SREBF2: variants seen among roughly 807,000 people sequenced by gnomAD.
SREBF2 encodes the protein sterol regulatory element binding transcription factor 2.
Under a neutral mutation model 113.1 loss-of-function variants are expected in SREBF2, and 55 were observed. The ratio of observed to expected loss-of-function variants is 0.49; its 90% CI spans 0.39 to 0.61. SREBF2 has a LOEUF of 0.61. Ranked by LOEUF, SREBF2 falls within the 20% of genes least tolerant of loss-of-function variation. The probability of loss-of-function intolerance (pLI) is 0.00; values close to 1 mark genes in which losing one functional copy is unlikely to be tolerated. For missense variants in SREBF2, 1,349 were observed against 1,487.4 expected (o/e 0.91, Z 1.53); for synonymous variants, 593 against 605.7 (o/e 0.98, Z 0.31).
chr22:41,877,282 A>T lies in SREBF2; in HGVS notation c.1440A>T (p.Ser480=), dbSNP rs1161451435. Residue 480 remains serine, a synonymous_variant, in exon 8 of 19, where the codon TCA becomes TCT. Coordinates refer to ENST00000361204, the MANE Select transcript of SREBF2 (RefSeq NM_004599.4). ...TGGCGCTGGGCATGGTAGACCGCTC[A>T]CGGATTCTTCTGTGTGTCCTCACCT... ...PPVALGMVDR[S]RILLCVLTFL... The T allele has an allele frequency of 1.2e-6, 2 of 1,614,116 alleles. No individual in the cohort carries two copies. Among genetic ancestry groups the T allele is most frequent in the South Asian group, 2.2e-5 (2 of 91,094 alleles).
intron 18 of SREBF2, among the ~76,000 whole-genome samples, 200 bp downstream of exon 18, chr22:41,905,174 G>A (rs2077496557): frequency 6.6e-6 from 1 of 152,246 alleles, no homozygotes; most frequent in South Asian, 2.1e-4. Flanking sequence ...TGTGATCAGG[G>A]AAGGAGGGTT....
intron 10 of SREBF2, 37 bp from the exon 11 acceptor site, chr22:41,884,798 TTTGGGGC>T (rs1383414298): frequency 8.1e-6 from 13 of 1,613,002 alleles, no homozygotes; most frequent in Non-Finnish European, 1.1e-5. Context: ...AAAGTTTGGT[TTTGGGGC>T]TCCATCAACA....
At chr22:41,893,649 C>T (rs2077385226) in intron 12 of SREBF2, among the ~76,000 whole-genome samples, 1 of 152,160 alleles carries the variant, frequency 6.6e-6, no homozygotes, top group Non-Finnish European at 1.5e-5. Flanking sequence ...CTTGCTTTCC[C>T]TGGCCTCCAG....
intron 11 of SREBF2, among the ~76,000 whole-genome samples, chr22:41,887,866 A>G (rs1020193003): frequency 6.6e-6 from 1 of 152,294 alleles, no homozygotes; most frequent in Non-Finnish European, 1.5e-5. Context: ...AGTGTATCTC[A>G]TTGTAGTTTT....
rs1193252878 is a variant in SREBF2 at position 41,893,153 on chromosome 22, C to T, written c.2245C>T (p.Pro749Ser). The change falls in exon 12 of 19, where the codon CCC becomes TCC. Residue 749 changes from proline (P) to serine (S), a missense_variant. This residue lies in a region of SREBF2 where 650 missense variants were observed against 644.1 expected (regional missense o/e 1.01). Transcript: ENST00000361204. ...CAGCCGAGCCCAGAGCCTGTGTGGC[C>T]CCGAGCACAGTGCTGTTCCTGACTC... ...FLSRAQSLCG[P>S]EHSAVPDSLR... 2 of 1,614,046 alleles carry T rather than the reference C, an allele frequency of 1.2e-6. No homozygotes were observed. The highest frequency in any genetic ancestry group is 2.2e-5 in the East Asian group (1 of 44,876).
In SREBF2 at chr22:41,904,929, C is replaced by T; in HGVS notation, c.3160C>T (p.Leu1054=). ...CAGCCCCACCCGCACCCACCAGCTG[C>T]TGGAACACAGCCTGCGGCGGCGCAC... ...GASPTRTHQL[L]EHSLRRRTTQ... The change falls in exon 18 of 19, where the codon CTG becomes TTG. Residue 1054 remains leucine (L), a synonymous_variant. Coordinates refer to ENST00000361204, the MANE Select transcript of SREBF2 (RefSeq NM_004599.4). 1 of 1,606,088 alleles carries T rather than the reference C, an allele frequency of 6.2e-7. No individual in the cohort carries two copies. The highest frequency in any genetic ancestry group is 1.7e-5 in the Admixed American group (1 of 59,618).
Position 41,905,802 on chromosome 22 carries a change from A to G in SREBF2, c.*142A>G, listed in dbSNP as rs1314615521. On this transcript the variant is annotated 3_prime_UTR_variant, in exon 19 of 19. Transcript: ENST00000361204. ...GCTTCTGGGCCACTCAGGCCAGTGC[A>G]CCCCTGGGCAGAGCCCCTTAAAGCT... 3.1e-5 allele frequency: 29 copies of G among 940,796 alleles called. No individual in the cohort carries two copies. Among genetic ancestry groups the G allele is most frequent in the Admixed American group, 1.8e-4 (9 of 50,004 alleles). The allele number at this position is 940,796 out of a possible 1,614,324, so 58.3% of individuals were successfully genotyped here.
chr22:41,848,685 A>G (rs570903593), intron 1 of SREBF2, among the ~76,000 whole-genome samples: 72 of 152,224 alleles, frequency 4.7e-4, no homozygotes, highest in African/African-American at 1.7e-3. Context: ...AGAAAAGAGC[A>G]CAGGGCTTAG....
At chr22:41,869,657 G>A (rs1483570078) in intron 3 of SREBF2, among the ~76,000 whole-genome samples, 2 of 149,602 alleles carry the variant, frequency 1.3e-5, no homozygotes, top group African/African-American at 2.5e-5. Context: ...CTAGTTTTTT[G>A]TATTTTTAGT....
At position 41,880,968 on chromosome 22, in the gene SREBF2, C is replaced by T. The variant is rs145647133; in HGVS notation, c.2014C>T (p.Arg672Trp). The change falls in exon 10 of 19, where the codon CGG (arginine) becomes TGG (tryptophan). Residue 672 changes from arginine to tryptophan, a missense_variant. Arg to Trp is a moderately radical substitution (Grantham distance 101). Around this residue, in one of 2 missense-constraint regions of SREBF2, gnomAD observed 650 missense variants for 644.1 expected, o/e 1.01. Coordinates refer to ENST00000361204, the MANE Select transcript of SREBF2 (RefSeq NM_004599.4). ...SARDAALAYH[R>W]LHQLHITGKL... ...CCGGGATGCGGCTCTGGCCTATCAC[C>T]GGCTGCACCAGCTGCACATCACAGG... 2.5e-6 allele frequency: 4 copies of T among 1,609,180 alleles called. No individual in the cohort carries two copies. The highest frequency in any genetic ancestry group is 1.7e-5 in the Admixed American group (1 of 60,000).
intron 13 of SREBF2, 91 bp from the exon 14 acceptor site, chr22:41,896,961 G>T: frequency 1.1e-6 from 1 of 873,456 alleles, no homozygotes. Context: ...TGGCCATTGG[G>T]TCTTAGAGCT....
intron 15 of SREBF2, chr22:41,899,066 G>A: frequency 1.6e-6 from 1 of 614,992 alleles, no homozygotes; most frequent in Non-Finnish European, 2.5e-6. Flanking sequence ...GCCACAGGCT[G>A]AAAAGAAGAG....
At chr22:41,889,887 G>A (rs1057265605) in intron 11 of SREBF2, among the ~76,000 whole-genome samples, 1 of 151,986 alleles carries the variant, frequency 6.6e-6, no homozygotes, top group Non-Finnish European at 1.5e-5. Flanking sequence ...TGTAATCCCA[G>A]CTACTCGGAA....
chr22:41,904,428 CCTTT>C (rs2077488554), intron 17 of SREBF2: 1 of 333,804 alleles, frequency 3.0e-6, no homozygotes, highest in Non-Finnish European at 6.2e-6. Flanking sequence ...AGACTCTCTT[CCTTT>C]CTAAAGATAC....
At chr22:41,870,218 G>A (rs2148382050) in intron 3 of SREBF2, among the ~76,000 whole-genome samples, 1 of 152,274 alleles carries the variant, frequency 6.6e-6, no homozygotes, top group South Asian at 2.1e-4. Context: ...TCTCAGCCAT[G>A]TGTCTGGCTT....
intron 1 of SREBF2, among the ~76,000 whole-genome samples, chr22:41,863,431 A>G (rs376789382): frequency 1.3e-5 from 2 of 152,338 alleles, no homozygotes; most frequent in East Asian, 3.9e-4. Context: ...GATTTCTTAC[A>G]GAGTTGGGAT....
intron 1 of SREBF2, among the ~76,000 whole-genome samples, chr22:41,864,249 TATATATATATATACACAC>T (rs1428403194): frequency 1.6e-4 from 15 of 96,770 alleles, no homozygotes; most frequent in African/African-American, 6.3e-4. Flanking sequence ...TATATATATA[TATATATATATATACACAC>T]ACACACACAC....
intron 1 of SREBF2, among the ~76,000 whole-genome samples, chr22:41,855,461 G>A (rs1371882421): frequency 6.6e-6 from 1 of 152,170 alleles, no homozygotes; most frequent in Non-Finnish European, 1.5e-5. Flanking sequence ...AGTGGAGGTT[G>A]CAGTGAGCCA....
intron 1 of SREBF2, among the ~76,000 whole-genome samples, chr22:41,839,475 G>A (rs549537593): frequency 6.6e-5 from 10 of 152,238 alleles, no homozygotes; most frequent in African/African-American, 2.2e-4. Context: ...GCAAGGAGTC[G>A]TGGGACTTGG....
Sources: allele counts gnomAD v4.1 joint callset (sites outside exome capture counted in the v4.1 genomes callset), GRCh38; gene constraint gnomAD v4.1.1; regional missense constraint gnomAD v4.1.1; transcripts MANE v1.5; gene names NCBI Gene and HGNC (gene_info 2026-07-23, HGNC 2026-07-21).